The following KDM4C variants were observed in gnomAD, a reference collection of about 807,000 sequenced individuals.
KDM4C encodes lysine demethylase 4C.
A neutral mutation model predicts 129.3 loss-of-function variants in KDM4C; 81 were observed. The observed-to-expected ratio is 0.63, with a 90% confidence interval of 0.52 to 0.75. The LOEUF (loss-of-function observed/expected upper bound fraction) is 0.75, where lower values mean the gene tolerates loss of function less well. Ranked by LOEUF, KDM4C falls within the 30% of genes least tolerant of loss-of-function variation. KDM4C has a pLI of 0.00. For missense variants in KDM4C, 1,457 were observed against 1,304.0 expected, an observed-to-expected ratio of 1.12 and a Z score of -1.81; for synonymous variants, 573 against 456.1, an observed-to-expected ratio of 1.26 and a Z score of -3.26.
At chr9:6,974,969 A>G (rs999564410) in intron 8 of KDM4C, 4 of 152,260 alleles carry the variant, frequency 2.6e-5, no homozygotes, top group Admixed American at 6.5e-5. Flanking sequence ...AATTCTAAAA[A>G]TAATTTCTAC....
intron 15 of KDM4C, among the ~76,000 whole-genome samples, chr9:7,018,745 G>T (rs548421241): frequency 1.3e-5 from 2 of 152,324 alleles, no homozygotes; most frequent in East Asian, 3.9e-4. Context: ...TCTAAAGCTG[G>T]TTCTGATTGA....
At chr9:6,764,813 C>T (rs1010494001) in intron 1 of KDM4C, among the ~76,000 whole-genome samples, 1 of 152,154 alleles carries the variant, frequency 6.6e-6, no homozygotes, top group Non-Finnish European at 1.5e-5. Context: ...CCATCCAGTT[C>T]CAGGTATTAA....
At chr9:7,138,785 A>G (rs1431725047) in intron 19 of KDM4C, among the ~76,000 whole-genome samples, 2 of 152,194 alleles carry the variant, frequency 1.3e-5, no homozygotes, top group East Asian at 3.9e-4. Context: ...ACACCATTGC[A>G]TTCCTGCCTG....
upstream of KDM4C, among the ~76,000 whole-genome samples, chr9:6,754,443 C>T (rs1395753047): frequency 6.6e-6 from 1 of 152,044 alleles, no homozygotes; most frequent in East Asian, 1.9e-4. Flanking sequence ...GAACTCCTGA[C>T]CTTAGGTGAT....
intron 15 of KDM4C, among the ~76,000 whole-genome samples, chr9:7,038,181 A>T (rs1182446889): frequency 6.6e-6 from 1 of 152,150 alleles, no homozygotes; most frequent in Non-Finnish European, 1.5e-5. Flanking sequence ...TTTAAATTGT[A>T]CGTTTCTTGT....
rs369356550 is a variant in KDM4C at position 6,995,827 on chromosome 9, A to G, written c.1786+5303A>G. 2.9e-3 allele frequency among the ~76,000 whole-genome samples: 440 copies of G among 151,830 alleles called. 1 individual carries two copies. The highest frequency in any genetic ancestry group is 5.3e-3 in the Non-Finnish European group (359 of 67,938). ...GCTGGGACTACAGGCGCCTGCCACC[A>G]CGCCCGGCTAATTTTTTGTATTTTT... On this transcript the variant is annotated intron_variant, in intron 12 of 21. Coordinates refer to ENST00000381309, the MANE Select transcript of KDM4C (RefSeq NM_015061.6).
rs1446611626 is a variant in KDM4C at position 6,730,675 on chromosome 9, A to G, written c.49+9678A>G. 3.3e-5 allele frequency among the ~76,000 whole-genome samples: 5 copies of G among 152,310 alleles called. No individual in the cohort carries two copies. The East Asian group carries it at 9.6e-4, about 29-fold the overall frequency. ...TTGAGCAATGAATGATTCATGAATC[A>G]GGTAGCCCCCAGAATCACAGCAGAT... On this transcript the variant is annotated intron_variant, in intron 1 of 17. Transcript: ENST00000536108.
chr9:7,146,303 TC>T (rs1206740920), intron 19 of KDM4C, among the ~76,000 whole-genome samples: 2 of 152,242 alleles, frequency 1.3e-5, no homozygotes. Flanking sequence ...TCTTATAGTT[TC>T]CATATGAACG....
At chr9:7,050,500 A>AGGTAT (rs1290864907) in intron 17 of KDM4C, among the ~76,000 whole-genome samples, 1 of 151,570 alleles carries the variant, frequency 6.6e-6, no homozygotes, top group Non-Finnish European at 1.5e-5. Flanking sequence ...TAGGACTATA[A>AGGTAT]GATATGATAT....
intron 1 of KDM4C, among the ~76,000 whole-genome samples, chr9:6,769,296 A>G (rs1039022801): frequency 3.9e-5 from 6 of 152,000 alleles, no homozygotes; most frequent in African/African-American, 1.2e-4. Flanking sequence ...AGTGGAGAGA[A>G]GATTTGTTCC....
intron 8 of KDM4C, among the ~76,000 whole-genome samples, chr9:6,972,062 T>C (rs1362597708): frequency 1.3e-5 from 2 of 152,052 alleles, no homozygotes; most frequent in Admixed American, 6.5e-5. Context: ...ATACACAAAA[T>C]ATGATTACAC....
intron 15 of KDM4C, among the ~76,000 whole-genome samples, chr9:7,034,662 T>C (rs1440768445): frequency 1.3e-5 from 2 of 152,210 alleles, no homozygotes; most frequent in Non-Finnish European, 2.9e-5. Flanking sequence ...CTCTTTGATA[T>C]AATGATTTCT....
In KDM4C at chr9:6,796,219, T is replaced by C. The variant is rs575056474; in HGVS notation, c.144+3087T>C. ...CAGCACTCTGGGAGGCCGAGGTGGGTGGATCACTTGAGGTCAGGAGTTCGA... is the reference window on the plus strand; with the variant it reads ...CAGCACTCTGGGAGGCCGAGGTGGGCGGATCACTTGAGGTCAGGAGTTCGA... On this transcript the variant is annotated intron_variant, in intron 2 of 21. Coordinates refer to ENST00000381309, the MANE Select transcript of KDM4C (RefSeq NM_015061.6). 1.8e-4 allele frequency among the ~76,000 whole-genome samples: 28 copies of C among 152,054 alleles called. No individual in the cohort carries two copies. In the South Asian group the frequency reaches 3.5e-3, roughly 19 times the overall value.
intron 5 of KDM4C, among the ~76,000 whole-genome samples, chr9:6,855,788 A>G (rs975831519): frequency 2.0e-5 from 3 of 152,234 alleles, no homozygotes; most frequent in Non-Finnish European, 2.9e-5. Context: ...TGAGCAAGTT[A>G]TATGGTGCCA....
chr9:6,921,184 C>G (rs1429555232), intron 8 of KDM4C, among the ~76,000 whole-genome samples: 3 of 152,046 alleles, frequency 2.0e-5, no homozygotes, highest in Admixed American at 2.0e-4. Context: ...CACGAATTAC[C>G]TTATGATCAA....
chr9:6,982,804 A>G (rs904011409), intron 9 of KDM4C: 1 of 152,244 alleles, frequency 6.6e-6, no homozygotes, highest in East Asian at 1.9e-4. Context: ...GATAGAGAAC[A>G]TGGATTTATG....
chr9:6,899,227 C>G (rs1380824933), intron 8 of KDM4C, among the ~76,000 whole-genome samples: 1 of 151,932 alleles, frequency 6.6e-6, no homozygotes, highest in Non-Finnish European at 1.5e-5. Flanking sequence ...TAGAGATTCC[C>G]CATATTCCCC....
chr9:6,842,781 C>T (rs1837200507), intron 4 of KDM4C, among the ~76,000 whole-genome samples: 1 of 141,908 alleles, frequency 7.0e-6, no homozygotes, highest in Admixed American at 7.2e-5. Context: ...TCCAAATACA[C>T]ATCACCCCCA....
chr9:6,981,164 C>T, intron 9 of KDM4C, 46 bp downstream of exon 9: 1 of 1,515,350 alleles, frequency 6.6e-7, no homozygotes, highest in Non-Finnish European at 8.9e-7. Context: ...GTCGTGTTTT[C>T]TCAGTTAAAA....
Sources: allele counts gnomAD v4.1 joint callset (sites outside exome capture counted in the v4.1 genomes callset), GRCh38; gene constraint gnomAD v4.1.1; transcripts MANE v1.5; gene names NCBI Gene and HGNC (gene_info 2026-07-23, HGNC 2026-07-21).